Variants in SMURF2 observed in about 807,000 individuals in gnomAD.
SMURF2 encodes the protein E3 ubiquitin-protein ligase SMURF2.
A neutral mutation model predicts 109.6 loss-of-function variants in SMURF2; 48 were observed. That is an observed-to-expected ratio of 0.44 (90% CI 0.35 to 0.56). The LOEUF (loss-of-function observed/expected upper bound fraction) is 0.56, where lower values mean the gene tolerates loss of function less well. SMURF2 is among the 20% of genes least tolerant of loss of function. The pLI, the probability that SMURF2 is intolerant of heterozygous loss-of-function variation, is 0.01. For missense variants in SMURF2, 575 were observed against 909.0 expected (o/e 0.63, Z 4.72); for synonymous variants, 288 against 317.1 (o/e 0.91, Z 0.97).
At chr17:64,599,075 A>G (rs781933588) in intron 2 of SMURF2, among the ~76,000 whole-genome samples, 1 of 152,244 alleles carries the variant, frequency 6.6e-6, no homozygotes, top group Non-Finnish European at 1.5e-5. Context: ...ACCTGAGAAT[A>G]AACAAGTGCT....
At chr17:64,586,195 A>G (rs782446738) in intron 5 of SMURF2, 25 bp from the exon 6 acceptor site, 1 of 1,455,904 alleles carries the variant, frequency 6.9e-7, no homozygotes, top group Non-Finnish European at 9.5e-7. Context: ...AAATATTACT[A>G]AGATTCATAC....
At chr17:64,605,925 G>GTTT (rs200749089) in intron 2 of SMURF2, among the ~76,000 whole-genome samples, 7 of 143,010 alleles carry the variant, frequency 4.9e-5, no homozygotes, top group East Asian at 2.0e-4. Context: ...GTTGGCTGAA[G>GTTT]TTTTTTTTTT....
At position 64,545,726 on chromosome 17, in the gene SMURF2, AAAAAAAAG is replaced by A; in HGVS notation, c.*114_*121del. The A allele has an allele frequency of 4.3e-6, 1 of 235,238 alleles. No homozygotes were observed. Among genetic ancestry groups the A allele is most frequent in the Non-Finnish European group, 7.4e-6 (1 of 134,596 alleles). The allele number at this position is 235,238 out of a possible 1,614,324, so 14.6% of individuals were successfully genotyped here. A position where few individuals can be genotyped will look rare whatever the true frequency, so the allele number is the denominator to read the frequency against. ...CAGTGTCCTAAAATGTAAAAAAAAA[AAAAAAAAG>A]GGGGGGGGGGGGAGTGTTTTCCTGT... On this transcript the variant is annotated 3_prime_UTR_variant, in exon 19 of 19. Transcript: ENST00000262435.
intron 3 of SMURF2, among the ~76,000 whole-genome samples, chr17:64,596,585 C>CATAAAA (rs1969821383): frequency 2.2e-5 from 1 of 45,472 alleles, no homozygotes; most frequent in Non-Finnish European, 5.1e-5. Flanking sequence ...GGAGAGTAAA[C>CATAAAA]AAAAAAAAAA....
At chr17:64,611,738 T>C (rs1369422830) in intron 1 of SMURF2, among the ~76,000 whole-genome samples, 2 of 152,210 alleles carry the variant, frequency 1.3e-5, no homozygotes, top group Non-Finnish European at 2.9e-5. Context: ...GGACCTGAAG[T>C]GAGCTAAAAA....
chr17:64,550,681 G>C (rs956704705), intron 16 of SMURF2, among the ~76,000 whole-genome samples: 2 of 150,986 alleles, frequency 1.3e-5, no homozygotes, highest in African/African-American at 4.9e-5. Flanking sequence ...TTGGGAGGCT[G>C]AGGCAGGAGA....
rs112639733 is a variant in SMURF2 at position 64,601,929 on chromosome 17, A to G, written c.92-3439T>C. The stretch of plus-strand genomic sequence containing the variant: ...TTTATATATAATTATATGTGTGTGT[A>G]TATATATATATACACACCTACATAT... On this transcript the variant is annotated intron_variant, in intron 2 of 18. Coordinates refer to ENST00000262435, the MANE Select transcript of SMURF2 (RefSeq NM_022739.4). Among the ~76,000 whole-genome samples, 749 of 123,946 alleles carry G rather than the reference A, an allele frequency of 6.0e-3. 8 individuals carry two copies. The highest frequency in any genetic ancestry group is 6.6e-3 in the Non-Finnish European group (420 of 63,304). The allele number at this position is 123,946 out of a possible 152,430, so 81.3% of individuals were successfully genotyped here.
chr17:64,625,730 T>C (rs745965895), intron 1 of SMURF2, among the ~76,000 whole-genome samples: 1 of 152,200 alleles, frequency 6.6e-6, no homozygotes, highest in Non-Finnish European at 1.5e-5. Context: ...AGTAGGTCTA[T>C]ATGGGGCCCC....
chr17:64,629,396 T>A (rs1410485915), intron 1 of SMURF2, among the ~76,000 whole-genome samples: 1 of 152,004 alleles, frequency 6.6e-6, no homozygotes, highest in Non-Finnish European at 1.5e-5. Context: ...CCCAGCTACC[T>A]GGAAGGCTAA....
intron 1 of SMURF2, among the ~76,000 whole-genome samples, chr17:64,635,705 T>C (rs1356406867): frequency 6.6e-6 from 1 of 152,230 alleles, no homozygotes; most frequent in African/African-American, 2.4e-5. Flanking sequence ...AGATATGCCA[T>C]ATTTTGTTTA....
rs372524920 is a variant in SMURF2, at chr17:64,560,431, C to T, written c.1316+1069G>A. On this transcript the variant is annotated intron_variant, in intron 12 of 18. Transcript: ENST00000262435. ...ATCCACACTAAAGAAACTATCCATC[C>T]GTAGGTTTAAAAGGTGACAGAATGA... Among the ~76,000 whole-genome samples the T allele has an allele frequency of 2.2e-4, 34 of 152,026 alleles. No homozygotes were observed. In the East Asian group the frequency reaches 4.3e-3, roughly 19 times the overall value.
intron 1 of SMURF2, among the ~76,000 whole-genome samples, chr17:64,612,409 T>G (rs1555689667): frequency 6.6e-6 from 1 of 152,062 alleles, no homozygotes; most frequent in African/African-American, 2.4e-5. Flanking sequence ...GGCTCATGTC[T>G]GTAATTCCAG....
In SMURF2 at chr17:64,544,456, G is replaced by A. The variant is rs1330201934; in HGVS notation, c.*1392C>T. 1 of 151,970 alleles carries A rather than the reference G, an allele frequency of 6.6e-6. No homozygotes were observed. Among genetic ancestry groups the A allele is most frequent in the Non-Finnish European group, 1.5e-5 (1 of 68,016 alleles). The allele number at this position is 151,970 out of a possible 1,614,324, so 9.4% of individuals were successfully genotyped here. A position where few individuals can be genotyped will look rare whatever the true frequency, so the allele number is the denominator to read the frequency against. ...TTTCACATCAATGTAAAAAAAAACT[G>A]ATAGTACATATTTTTGATGGTTGAA... On this transcript the variant is annotated 3_prime_UTR_variant, in exon 19 of 19. Transcript: ENST00000262435.
intron 9 of SMURF2, among the ~76,000 whole-genome samples, chr17:64,578,151 G>A (rs1450890114): frequency 6.6e-6 from 1 of 151,702 alleles, no homozygotes; most frequent in African/African-American, 2.4e-5. Context: ...TCACCATGTT[G>A]GCCAGGATGG....
intron 1 of SMURF2, among the ~76,000 whole-genome samples, chr17:64,647,461 T>C (rs973760531): frequency 1.3e-5 from 2 of 152,054 alleles, no homozygotes; most frequent in African/African-American, 4.8e-5. Context: ...CGGGCGGACC[T>C]GAGGTCAGGA....
intron 1 of SMURF2, among the ~76,000 whole-genome samples, chr17:64,628,450 C>G (rs1454950936): frequency 1.3e-5 from 2 of 152,134 alleles, no homozygotes; most frequent in Admixed American, 6.5e-5. Context: ...AGAGTCAAAT[C>G]CTGTCAGGAC....
At chr17:64,566,561 G>GTTTGTTTGTTTTTTT (rs1969305868) in intron 10 of SMURF2, among the ~76,000 whole-genome samples, 21 of 43,802 alleles carry the variant, frequency 4.8e-4, no homozygotes, top group African/African-American at 1.6e-3. Context: ...AAGCTTTCTG[G>GTTTGTTTGTTTTTTT]TTTTTTTTTT....
At position 64,662,135 on chromosome 17, in the gene SMURF2, C is replaced by T. The variant is rs1970792017; in HGVS notation, c.-255G>A. Reference sequence around the variant, plus strand: ...AAGCGGCAGCCGCGGCCGCCCGCGCCGCCTCCGCCCGCGCCCCCGCCGCCT... The same window carrying T: ...AAGCGGCAGCCGCGGCCGCCCGCGCTGCCTCCGCCCGCGCCCCCGCCGCCT... On this transcript the variant is annotated 5_prime_UTR_variant, in exon 1 of 19. Transcript: ENST00000262435. 6 of 1,038,816 alleles carry T rather than the reference C, an allele frequency of 5.8e-6. No individual in the cohort carries two copies. Among genetic ancestry groups the T allele is most frequent in the Non-Finnish European group, 6.9e-6 (6 of 865,422 alleles). The allele number at this position is 1,038,816 out of a possible 1,614,324, so 64.3% of individuals were successfully genotyped here.
intron 1 of SMURF2, among the ~76,000 whole-genome samples, chr17:64,643,312 T>G (rs1022468781): frequency 2.6e-5 from 4 of 152,110 alleles, no homozygotes; most frequent in Non-Finnish European, 5.9e-5. Context: ...CATGAGCCAC[T>G]GCACCCGGCC....
Sources: gnomAD v4.1 joint callset for allele counts (sites outside exome capture counted in the v4.1 genomes callset) on GRCh38, gnomAD v4.1.1 for gene constraint, MANE v1.5 for transcripts, NCBI Gene and HGNC (gene_info 2026-07-23, HGNC 2026-07-21) for gene names.